RALGAPB: variants seen among roughly 807,000 people sequenced by gnomAD.
RALGAPB encodes the protein ral GTPase-activating protein subunit beta.
RALGAPB carries 25 observed loss-of-function variants against 161.1 expected under a neutral mutation model. That is an observed-to-expected ratio of 0.16 (90% CI 0.11 to 0.22). RALGAPB has a LOEUF of 0.22. RALGAPB is among the 10% of genes least tolerant of loss of function. RALGAPB has a pLI of 1.00. For missense variants in RALGAPB, 1,391 were observed against 1,815.2 expected (o/e 0.77, Z 4.25); for synonymous variants, 629 against 626.1 (o/e 1.00, Z -0.07).
intron 18 of RALGAPB, 73 bp from the exon 19 acceptor site, chr20:38,546,170 G>T: frequency 6.2e-7 from 1 of 1,600,270 alleles, no homozygotes. Context: ...AGTGGAAGGG[G>T]ACACATTGAT....
At chr20:38,567,762 T>C (rs1449447282) in intron 26 of RALGAPB, among the ~76,000 whole-genome samples, 1 of 152,186 alleles carries the variant, frequency 6.6e-6, no homozygotes, top group Non-Finnish European at 1.5e-5. Context: ...TGTAGGAAGA[T>C]TGACTTAGAA....
At chr20:38,547,187 A>C (rs561346488) in intron 19 of RALGAPB, 1 of 152,174 alleles carries the variant, frequency 6.6e-6, no homozygotes, top group Admixed American at 6.5e-5. Context: ...GTTATAAGCC[A>C]TCTCACAATA....
At chr20:38,497,964 G>A (rs2085473952) in intron 4 of RALGAPB, among the ~76,000 whole-genome samples, 1 of 151,702 alleles carries the variant, frequency 6.6e-6, no homozygotes, top group Non-Finnish European at 1.5e-5. Context: ...AGCTACTCAG[G>A]AGGCTGAGGC....
At chr20:38,522,152 A>G (rs2086308130) in intron 10 of RALGAPB, among the ~76,000 whole-genome samples, 1 of 152,258 alleles carries the variant, frequency 6.6e-6, no homozygotes, top group Admixed American at 6.5e-5. Flanking sequence ...GTGGGCATTC[A>G]GGGGAAGAAG....
At chr20:38,541,290 T>A in intron 18 of RALGAPB, 98 bp downstream of exon 18, 1 of 1,191,828 alleles carries the variant, frequency 8.4e-7, no homozygotes, top group Non-Finnish European at 1.2e-6. Context: ...CAGCATTGCG[T>A]GATGCAGCCC....
At chr20:38,510,187 T>C (rs1172807378) in intron 6 of RALGAPB, among the ~76,000 whole-genome samples, 1 of 151,476 alleles carries the variant, frequency 6.6e-6, no homozygotes, top group Non-Finnish European at 1.5e-5. Flanking sequence ...TGCATGTAAT[T>C]TGCAGAGATG....
At chr20:38,484,530 TTG>T (rs920476919) in intron 1 of RALGAPB, among the ~76,000 whole-genome samples, 9 of 152,178 alleles carry the variant, frequency 5.9e-5, no homozygotes, top group East Asian at 1.9e-4. Flanking sequence ...TTAGCTGACA[TTG>T]TGTTTTTTTG....
intron 13 of RALGAPB, among the ~76,000 whole-genome samples, chr20:38,526,753 C>A (rs1290117272): frequency 6.6e-6 from 1 of 152,024 alleles, no homozygotes; most frequent in Non-Finnish European, 1.5e-5. Flanking sequence ...TGGTGATTGA[C>A]AAATCTAGTG....
intron 14 of RALGAPB, 110 bp from the exon 15 acceptor site, chr20:38,532,620 C>A: frequency 7.6e-7 from 1 of 1,310,406 alleles, no homozygotes; most frequent in Non-Finnish European, 1.1e-6. Flanking sequence ...TCAGTTTGTA[C>A]TATTCAGTTG....
chr20:38,526,557 T>C (rs1400423709), intron 13 of RALGAPB, among the ~76,000 whole-genome samples: 1 of 152,218 alleles, frequency 6.6e-6, no homozygotes, highest in African/African-American at 2.4e-5. Flanking sequence ...GGGGTGTTCT[T>C]TCCCTAGATT....
intron 1 of RALGAPB, among the ~76,000 whole-genome samples, chr20:38,487,367 A>C (rs1363516363): frequency 6.6e-6 from 1 of 152,160 alleles, no homozygotes; most frequent in Non-Finnish European, 1.5e-5. Context: ...AATAAATCGT[A>C]TACTGAAGAA....
At chr20:38,490,274 T>C (rs1456387865) in intron 2 of RALGAPB, among the ~76,000 whole-genome samples, 2 of 151,666 alleles carry the variant, frequency 1.3e-5, no homozygotes, top group African/African-American at 4.8e-5. Context: ...AGTGGCATGA[T>C]CTTGGCTCAC....
chr20:38,515,868 G>A (rs941378858), intron 6 of RALGAPB, among the ~76,000 whole-genome samples: 1 of 151,934 alleles, frequency 6.6e-6, no homozygotes, highest in African/African-American at 2.4e-5. Flanking sequence ...CAAGTAGTTG[G>A]GACCATAGGC....
At position 38,554,081 on chromosome 20, in the gene RALGAPB, T is replaced by C; in HGVS notation, c.3372+5T>C. 1 of 1,577,006 alleles carries C rather than the reference T, an allele frequency of 6.3e-7. No individual in the cohort carries two copies. Among genetic ancestry groups the C allele is most frequent in the Non-Finnish European group, 8.7e-7 (1 of 1,146,414 alleles). On this transcript the variant is annotated splice_donor_5th_base_variant and intron_variant, in intron 22 of 29. Transcript: ENST00000262879. The stretch of plus-strand genomic sequence containing the variant: ...TTGTCCTTAGAAGCACTGAAGGTAA[T>C]TTTCATGAACTTTTATGAATAAATA...
intron 26 of RALGAPB, 71 bp from the exon 27 acceptor site, chr20:38,569,817 G>GGTA: frequency 9.0e-7 from 1 of 1,109,338 alleles, no homozygotes; most frequent in Non-Finnish European, 1.4e-6. Context: ...TGAATGACTG[G>GGTA]GTAGTTTTAT....
intron 6 of RALGAPB, among the ~76,000 whole-genome samples, chr20:38,512,016 T>C (rs145602193): frequency 1.3e-5 from 2 of 152,348 alleles, no homozygotes; most frequent in Admixed American, 6.5e-5. Flanking sequence ...AGCATGTCTT[T>C]TTCTTTTTTT....
At chr20:38,553,799 AAAC>A in intron 21 of RALGAPB, 65 bp from the exon 22 acceptor site, 16 of 930,042 alleles carry the variant, frequency 1.7e-5, no homozygotes, top group African/African-American at 3.4e-5. Context: ...AAAAAAAAAA[AAAC>A]ACTTAAGATT....
chr20:38,574,323 G>T (rs1243286091), intron 29 of RALGAPB, 25 bp downstream of exon 29: 4 of 1,558,306 alleles, frequency 2.6e-6, no homozygotes, highest in Non-Finnish European at 3.5e-6. Context: ...TGTGGCCGAA[G>T]AGTTAAATTT....
intron 15 of RALGAPB, among the ~76,000 whole-genome samples, chr20:38,534,559 A>T (rs984644171): frequency 1.3e-5 from 2 of 152,220 alleles, no homozygotes; most frequent in African/African-American, 4.8e-5. Context: ...TATTAAAGTA[A>T]TCCTGGAGAA....
Sources: gnomAD v4.1 joint callset for allele counts (sites outside exome capture counted in the v4.1 genomes callset) on GRCh38, gnomAD v4.1.1 for gene constraint, MANE v1.5 for transcripts, NCBI Gene and HGNC (gene_info 2026-07-23, HGNC 2026-07-21) for gene names.